The following FBXL17 variants were observed in gnomAD, a reference collection of about 807,000 sequenced individuals.
FBXL17 encodes the protein F-box and leucine rich repeat protein 17.
A neutral mutation model predicts 66.2 loss-of-function variants in FBXL17; 22 were observed. The observed-to-expected ratio is 0.33, with a 90% confidence interval of 0.24 to 0.47. The LOEUF (loss-of-function observed/expected upper bound fraction) is 0.47, where lower values mean the gene tolerates loss of function less well. Among genes scored for constraint, FBXL17 ranks in the 20% least tolerant of loss-of-function variants. The probability of loss-of-function intolerance (pLI) is 1.00; values close to 1 mark genes in which losing one functional copy is unlikely to be tolerated. For synonymous variants in FBXL17, 474 were observed against 400.5 expected (o/e 1.18, Z -2.19); for missense variants, 878 against 948.2 (o/e 0.93, Z 0.97).
intron 6 of FBXL17, among the ~76,000 whole-genome samples, chr5:108,081,594 G>C (rs1748767932): frequency 6.6e-6 from 1 of 152,088 alleles, no homozygotes; most frequent in African/African-American, 2.4e-5. Context: ...GTGGTGGCAG[G>C]CGTCTGTAGT....
intron 5 of FBXL17, among the ~76,000 whole-genome samples, chr5:108,220,941 G>A (rs1754838013): frequency 1.3e-5 from 2 of 152,164 alleles, no homozygotes; most frequent in African/African-American, 4.8e-5. Context: ...ACTCTTAACT[G>A]TAAATGTAGA....
Position 108,359,486 on chromosome 5 carries a change from C to T in FBXL17, c.1374+5252G>A, listed in dbSNP as rs112321198. On this transcript the variant is annotated intron_variant, in intron 3 of 8. Transcript: ENST00000542267. ...TTGCTACATCCCTTGAGTTTTGGAA[C>T]GCTGTGTTTTCATTCTCACTCATCT... Among the ~76,000 whole-genome samples the T allele has an allele frequency of 5.5e-3, 830 of 152,200 alleles. 3 individuals are homozygous for T. The highest frequency in any genetic ancestry group is 0.014 in the Middle Eastern group (4 of 294).
chr5:107,870,845 CA>C (rs1748422204), intron 8 of FBXL17, among the ~76,000 whole-genome samples: 1 of 151,836 alleles, frequency 6.6e-6, no homozygotes, highest in Non-Finnish European at 1.5e-5. Context: ...TCAGCCTCCC[CA>C]AAGTGCTGGG....
At chr5:108,295,248 A>T (rs1468575858) in intron 4 of FBXL17, among the ~76,000 whole-genome samples, 1 of 151,880 alleles carries the variant, frequency 6.6e-6, no homozygotes, top group Non-Finnish European at 1.5e-5. Context: ...AAAATATTTA[A>T]GAACTTTCTC....
intron 4 of FBXL17, among the ~76,000 whole-genome samples, chr5:108,262,727 C>T (rs1302912906): frequency 9.6e-6 from 1 of 103,630 alleles, no homozygotes; most frequent in East Asian, 3.6e-4. Flanking sequence ...CAAGCAACAA[C>T]AACAAAAACC....
chr5:107,951,823 A>AT (rs1751507794), intron 7 of FBXL17, among the ~76,000 whole-genome samples: 1 of 152,198 alleles, frequency 6.6e-6, no homozygotes, highest in South Asian at 2.1e-4. Context: ...CATCAAATAC[A>AT]TTTTCATAGA....
At chr5:108,212,872 C>G (rs1369826399) in intron 5 of FBXL17, among the ~76,000 whole-genome samples, 1 of 152,200 alleles carries the variant, frequency 6.6e-6, no homozygotes, top group Non-Finnish European at 1.5e-5. Flanking sequence ...CTTTTCAGAG[C>G]TGTCAGGCAG....
Position 108,089,984 on chromosome 5 carries a change from T to C in FBXL17, c.1746-68983A>G, listed in dbSNP as rs1487463070. Reference sequence around the variant, plus strand: ...CTGGGACTGCAGGTGTGTGCCACTATACCCAGCTAATTTTTGCGTTTTTTG... The same window carrying C: ...CTGGGACTGCAGGTGTGTGCCACTACACCCAGCTAATTTTTGCGTTTTTTG... On this transcript the variant is annotated intron_variant, in intron 6 of 8. Coordinates refer to ENST00000542267, the MANE Select transcript of FBXL17 (RefSeq NM_001163315.3). Among the ~76,000 whole-genome samples, 6 of 152,014 alleles carry C rather than the reference T, an allele frequency of 3.9e-5. No individual in the cohort carries two copies. The East Asian group carries it at 7.8e-4, about 20-fold the overall frequency.
At chr5:108,209,034 G>T (rs778115800) in intron 5 of FBXL17, among the ~76,000 whole-genome samples, 5 of 152,106 alleles carry the variant, frequency 3.3e-5, no homozygotes, top group Non-Finnish European at 5.9e-5. Context: ...CATATCCCTT[G>T]TAAGTTGTAT....
At chr5:108,323,265 T>C (rs1372136723) in intron 4 of FBXL17, among the ~76,000 whole-genome samples, 1 of 145,490 alleles carries the variant, frequency 6.9e-6, no homozygotes, top group East Asian at 2.0e-4. Flanking sequence ...AGTTGTAGAA[T>C]AAAAAAAAAA....
chr5:108,381,302 A>AGCGGCGGCGGCG lies in FBXL17; in HGVS notation c.378_389dup (p.Ala129_Ala132dup), dbSNP rs754351405. 3.6e-6 allele frequency: 5 copies of AGCGGCGGCGGCG among 1,401,040 alleles called. No homozygotes were observed. The East Asian group carries it at 1.5e-4, about 43-fold the overall frequency. 86.8% of individuals were successfully genotyped at this position (1,401,040 alleles called of 1,614,324 possible). On this transcript the variant is annotated inframe_insertion, in exon 1 of 9. Coordinates refer to ENST00000542267, the MANE Select transcript of FBXL17 (RefSeq NM_001163315.3). ...AGGCGGGCGACGAAGCCGAGGCGGC[A>AGCGGCGGCGGCG]GCGGCGGCGGCGGCGGCGGCCGAGG...
chr5:107,942,615 C>T (rs1751145246), intron 7 of FBXL17, among the ~76,000 whole-genome samples: 2 of 152,120 alleles, frequency 1.3e-5, no homozygotes, highest in Non-Finnish European at 2.9e-5. Flanking sequence ...TACCCATCTT[C>T]CCCTTATATG....
intron 6 of FBXL17, among the ~76,000 whole-genome samples, chr5:108,070,921 A>C (rs1237371699): frequency 6.6e-6 from 1 of 152,216 alleles, no homozygotes; most frequent in African/African-American, 2.4e-5. Context: ...AAAAGAGTTT[A>C]TTTAAGTTCT....
intron 4 of FBXL17, among the ~76,000 whole-genome samples, chr5:108,332,006 A>G (rs995539369): frequency 6.6e-6 from 1 of 152,214 alleles, no homozygotes. Context: ...GTTCATCAAA[A>G]TGACCTCCTT....
intron 7 of FBXL17, among the ~76,000 whole-genome samples, chr5:107,918,158 C>T (rs909450762): frequency 6.6e-6 from 1 of 152,174 alleles, no homozygotes; most frequent in Non-Finnish European, 1.5e-5. Flanking sequence ...GCTCCCTCAG[C>T]TCCCATGTGG....
At chr5:108,111,705 A>G (rs895690211) in intron 6 of FBXL17, among the ~76,000 whole-genome samples, 5 of 152,212 alleles carry the variant, frequency 3.3e-5, no homozygotes, top group Admixed American at 3.3e-4. Context: ...TGTACATGCT[A>G]GCTTTTTCAA....
At chr5:108,194,899 C>T (rs1023892057) in intron 5 of FBXL17, among the ~76,000 whole-genome samples, 1 of 152,144 alleles carries the variant, frequency 6.6e-6, no homozygotes, top group Non-Finnish European at 1.5e-5. Context: ...TTGATCTCAA[C>T]CTGGACTGGT....
intron 6 of FBXL17, among the ~76,000 whole-genome samples, chr5:108,038,186 ATAAG>A (rs988535806): frequency 1.9e-4 from 29 of 152,298 alleles, no homozygotes; most frequent in African/African-American, 7.0e-4. Context: ...CCTAATTTGA[ATAAG>A]TAAGCTGAAA....
chr5:107,955,427 A>G (rs1187288728), intron 7 of FBXL17, among the ~76,000 whole-genome samples: 1 of 152,208 alleles, frequency 6.6e-6, no homozygotes, highest in Non-Finnish European at 1.5e-5. Context: ...ACTTTACCAC[A>G]AAGTGATCTG....
Sources: allele counts gnomAD v4.1 joint callset (sites outside exome capture counted in the v4.1 genomes callset), GRCh38; gene constraint gnomAD v4.1.1; transcripts MANE v1.5; gene names NCBI Gene and HGNC (gene_info 2026-07-23, HGNC 2026-07-21).